Variants in SRGAP3 observed in about 807,000 individuals in gnomAD.
The protein encoded by SRGAP3 is SLIT-ROBO Rho GTPase activating protein 3.
Under a neutral mutation model 121.1 loss-of-function variants are expected in SRGAP3, and 39 were observed. The ratio of observed to expected loss-of-function variants is 0.32; its 90% confidence interval spans 0.25 to 0.42. SRGAP3 has a LOEUF of 0.42. Ranked by LOEUF, SRGAP3 falls within the 10% of genes least tolerant of loss-of-function variation. SRGAP3 has a pLI of 1.00. For synonymous variants in SRGAP3, 601 were observed against 570.0 expected (o/e 1.05, Z -0.77); for missense variants, 1,213 against 1,470.6 (o/e 0.82, Z 2.86).
intron 2 of SRGAP3, among the ~76,000 whole-genome samples, chr3:9,124,237 C>A (rs1232258187): frequency 6.6e-6 from 1 of 152,038 alleles, no homozygotes; most frequent in Non-Finnish European, 1.5e-5. Flanking sequence ...CACTGAGGTC[C>A]TCCAGGAGAG....
At chr3:9,046,394 G>A (rs192480047) in intron 10 of SRGAP3, among the ~76,000 whole-genome samples, 1 of 152,238 alleles carries the variant, frequency 6.6e-6, no homozygotes, top group Non-Finnish European at 1.5e-5. Flanking sequence ...CCCTGGGGCA[G>A]GAATAAGCTT....
At chr3:9,356,582 C>T (rs900670923) in intron 1 of SRGAP3, among the ~76,000 whole-genome samples, 6 of 151,740 alleles carry the variant, frequency 4.0e-5, no homozygotes, top group African/African-American at 7.3e-5. Flanking sequence ...ACCGTGTTAG[C>T]CAGGATGGTC....
intron 2 of SRGAP3, among the ~76,000 whole-genome samples, chr3:9,107,059 T>C (rs1330436964): frequency 6.6e-6 from 1 of 152,202 alleles, no homozygotes; most frequent in Non-Finnish European, 1.5e-5. Context: ...GAGAAGATAA[T>C]TAGATTTAGA....
intron 10 of SRGAP3, among the ~76,000 whole-genome samples, chr3:9,047,022 C>A (rs111330433): frequency 1.3e-5 from 2 of 151,892 alleles, no homozygotes; most frequent in Admixed American, 6.6e-5. Context: ...TTAGTAGAGA[C>A]GGGGTTTCAC....
At chr3:9,197,380 C>T (rs1010816272) in intron 1 of SRGAP3, among the ~76,000 whole-genome samples, 4 of 152,238 alleles carry the variant, frequency 2.6e-5, no homozygotes, top group African/African-American at 9.6e-5. Flanking sequence ...GGGAGATTGG[C>T]TCTGCCATGA....
At chr3:9,057,162 C>T (rs1425071927) in intron 7 of SRGAP3, among the ~76,000 whole-genome samples, 1 of 152,154 alleles carries the variant, frequency 6.6e-6, no homozygotes, top group Non-Finnish European at 1.5e-5. Flanking sequence ...CTCCTGACCT[C>T]AAGTGATCCA....
chr3:9,266,263 C>G (rs77350204), intron 3 of SRGAP3, among the ~76,000 whole-genome samples: 1 of 152,042 alleles, frequency 6.6e-6, no homozygotes, highest in Non-Finnish European at 1.5e-5. Context: ...AGGAGAAATA[C>G]CTAATGTAGA....
intron 11 of SRGAP3, chr3:9,035,854 G>A (rs1038043029): frequency 1.3e-5 from 2 of 153,932 alleles, no homozygotes; most frequent in African/African-American, 4.8e-5. Flanking sequence ...CAATGCTGTA[G>A]GGCAATGCCA....
intron 6 of SRGAP3, 178 bp downstream of exon 6, chr3:9,060,053 G>A (rs1415566275): frequency 2.1e-6 from 2 of 975,298 alleles, no homozygotes; most frequent in African/African-American, 3.2e-5. Flanking sequence ...GACACCACGA[G>A]GTAACATTCA....
At chr3:9,057,475 C>T (rs982140224) in intron 7 of SRGAP3, among the ~76,000 whole-genome samples, 5 of 152,232 alleles carry the variant, frequency 3.3e-5, no homozygotes, top group African/African-American at 1.2e-4. Flanking sequence ...CAGTGCAGCC[C>T]TGCAGAAGTA....
At chr3:9,078,858 G>A (rs967578275) in intron 4 of SRGAP3, among the ~76,000 whole-genome samples, 1 of 152,120 alleles carries the variant, frequency 6.6e-6, no homozygotes, top group Non-Finnish European at 1.5e-5. Context: ...AGAATTAAAA[G>A]TTTCAACTTT....
intron 1 of SRGAP3, among the ~76,000 whole-genome samples, chr3:9,336,732 G>A (rs1955699666): frequency 6.6e-6 from 1 of 152,112 alleles, no homozygotes; most frequent in Admixed American, 6.6e-5. Context: ...AGAAATGGAA[G>A]TAAATAAACT....
chr3:9,351,124 A>C (rs941101880), intron 1 of SRGAP3, among the ~76,000 whole-genome samples: 1 of 152,170 alleles, frequency 6.6e-6, no homozygotes, highest in African/African-American at 2.4e-5. Context: ...AGGCTCTTGC[A>C]ACCTAGACTT....
chr3:9,025,476 G>T, intron 13 of SRGAP3, 138 bp from the exon 14 acceptor site: 2 of 995,428 alleles, frequency 2.0e-6, no homozygotes, highest in Non-Finnish European at 3.1e-6. Context: ...CGTTCCCTAT[G>T]AATGTCTCCA....
rs536092074 is a variant in SRGAP3, at chr3:9,170,416, G to A, written c.68-45499C>T. 2.0e-5 allele frequency among the ~76,000 whole-genome samples: 3 copies of A among 152,218 alleles called. No homozygotes were observed. In the South Asian group the frequency reaches 6.2e-4, roughly 32 times the overall value. On this transcript the variant is annotated intron_variant, in intron 1 of 21. Coordinates refer to ENST00000383836, the MANE Select transcript of SRGAP3 (RefSeq NM_014850.4). ...TAGTAGTGCGGGGAGCAGCGGGGTG[G>A]GGGCAAGAGGGTTCCAGGGGAAAGA...
chr3:9,350,190 A>C (rs1460061932), intron 1 of SRGAP3: 1 of 152,238 alleles, frequency 6.6e-6, no homozygotes, highest in Non-Finnish European at 1.5e-5. Flanking sequence ...TTACGTGCAC[A>C]ATTTAATTCA....
intron 7 of SRGAP3, among the ~76,000 whole-genome samples, chr3:9,056,850 G>A (rs1191799923): frequency 1.3e-5 from 2 of 152,126 alleles, no homozygotes; most frequent in Non-Finnish European, 2.9e-5. Flanking sequence ...GAGGGCTGGA[G>A]GAGGGGAAGC....
chr3:9,180,513 G>A (rs1213318945), intron 1 of SRGAP3, among the ~76,000 whole-genome samples: 1 of 152,134 alleles, frequency 6.6e-6, no homozygotes, highest in East Asian at 1.9e-4. Flanking sequence ...AGCAGGGCGG[G>A]GAGGACAGGC....
At chr3:9,274,877 T>C (rs545260044) in intron 3 of SRGAP3, among the ~76,000 whole-genome samples, 1 of 152,304 alleles carries the variant, frequency 6.6e-6, no homozygotes, top group South Asian at 2.1e-4. Flanking sequence ...CCATAGTCTC[T>C]GACATCCAGC....
Sources: allele counts gnomAD v4.1 joint callset (sites outside exome capture counted in the v4.1 genomes callset), GRCh38; gene constraint gnomAD v4.1.1; transcripts MANE v1.5; gene names NCBI Gene and HGNC (gene_info 2026-07-23, HGNC 2026-07-21).